The following TBPL2 variants were observed in gnomAD, a reference collection of about 807,000 sequenced individuals.
The protein encoded by TBPL2 is TATA-box binding protein like 2, also known as TATA box-binding protein-like 2.
Under a neutral mutation model 38.2 loss-of-function variants are expected in TBPL2, and 40 were observed. The ratio of observed to expected loss-of-function variants is 1.05; its 90% CI spans 0.81 to 1.36. The LOEUF (loss-of-function observed/expected upper bound fraction) is 1.36. Ranked by LOEUF, TBPL2 falls within the 40% of genes most tolerant of loss-of-function variation. The probability of loss-of-function intolerance (pLI) is 0.00; values close to 1 mark genes in which losing one functional copy is unlikely to be tolerated. For missense variants in TBPL2, 461 were observed against 456.7 expected (o/e 1.01, Z -0.09); for synonymous variants, 169 against 171.7 (o/e 0.98, Z 0.12).
At chr14:55,422,191 G>A (rs186794456) in intron 6 of TBPL2, among the ~76,000 whole-genome samples, 5 of 152,216 alleles carry the variant, frequency 3.3e-5, no homozygotes, top group Non-Finnish European at 7.3e-5. Flanking sequence ...GCGTTAAGTT[G>A]GTTGGCTAGC....
intron 6 of TBPL2, among the ~76,000 whole-genome samples, chr14:55,419,425 G>A (rs776911188): frequency 1.3e-5 from 2 of 152,210 alleles, no homozygotes; most frequent in Non-Finnish European, 2.9e-5. Context: ...TTTGCTGTTT[G>A]TTATACCCCA....
chr14:55,435,403 GT>G lies in TBPL2; in HGVS notation c.696+443del, dbSNP rs369745545. Among the ~76,000 whole-genome samples, 206 of 151,036 alleles carry G rather than the reference GT, an allele frequency of 1.4e-3. 3 individuals are homozygous for G. The East Asian group carries it at 0.034, about 25-fold the overall frequency. On this transcript the variant is annotated intron_variant, in intron 3 of 6. Transcript: ENST00000247219. ...TGATTCTCCTGCCTCAACCTCCTGA[GT>G]AGCTGGGATTACAGGCACCCGCCAC...
In TBPL2 at chr14:55,439,623, C is replaced by CG. The variant is rs940617750; in HGVS notation, c.150+772dup. 2.1e-3 allele frequency among the ~76,000 whole-genome samples: 282 copies of CG among 136,856 alleles called. 13 individuals carry two copies. Among genetic ancestry groups the CG allele is most frequent in the African/African-American group, 7.3e-3 (274 of 37,550 alleles). 89.8% of individuals were successfully genotyped at this position (136,856 alleles called of 152,430 possible). ...CTGGGGAGAAAAGCAAACCCCCCCC[C>CG]GTCTCTACTAAAAAATACAAAAATT... On this transcript the variant is annotated intron_variant, in intron 1 of 6. Coordinates refer to ENST00000247219, the Ensembl canonical transcript of TBPL2.
chr14:55,429,766 C>CAAAAAAAAAAAAAAAAAAAA (rs71131266), intron 4 of TBPL2, among the ~76,000 whole-genome samples: 16 of 52,370 alleles, frequency 3.1e-4, no homozygotes, highest in Non-Finnish European at 4.9e-4. Flanking sequence ...AACTCCGTCT[C>CAAAAAAAAAAAAAAAAAAAA]AAAAAAAAAA....
intron 2 of TBPL2, among the ~76,000 whole-genome samples, 186 bp downstream of exon 2, chr14:55,436,375 A>G (rs1419697808): frequency 3.9e-5 from 6 of 152,198 alleles, no homozygotes; most frequent in Non-Finnish European, 1.5e-5. Context: ...GAGGTCAAGA[A>G]TTAGTGCTTT....
intron 6 of TBPL2, among the ~76,000 whole-genome samples, chr14:55,421,306 A>G (rs74337289): frequency 0.019 from 2,922 of 152,206 alleles, 93 homozygotes; most frequent in African/African-American, 0.067. Context: ...TTTTATTGGC[A>G]GGCTTTTCTC....
At position 55,440,589 on chromosome 14, in the gene TBPL2, GT is replaced by G. The variant is rs1230867063; in HGVS notation, c.-45del. ...CGAGGCGGGGCGGCCCTCGGCCCAG[GT>G]TCCTGCAGAGGGCGCGAGAGAAGCG... On this transcript the variant is annotated 5_prime_UTR_variant, in exon 1 of 7. Transcript: ENST00000247219. 7 of 1,537,744 alleles carry G rather than the reference GT, an allele frequency of 4.6e-6. No individual in the cohort carries two copies. The African/African-American group carries it at 8.3e-5, about 18-fold the overall frequency.
intron 6 of TBPL2, among the ~76,000 whole-genome samples, chr14:55,415,175 CTTATAT>C (rs1038112045): frequency 2.1e-4 from 32 of 152,120 alleles, no homozygotes; most frequent in African/African-American, 6.3e-4. Flanking sequence ...ACTTGTACTA[CTTATAT>C]TTATATGGAG....
At chr14:55,428,382 G>A (rs1171914918) in intron 5 of TBPL2, among the ~76,000 whole-genome samples, 1 of 152,004 alleles carries the variant, frequency 6.6e-6, no homozygotes, top group African/African-American at 2.4e-5. Flanking sequence ...GCCTGCCTCG[G>A]CCTCCCAACA....
intron 5 of TBPL2, among the ~76,000 whole-genome samples, chr14:55,427,606 C>A (rs1885845808): frequency 6.6e-6 from 1 of 152,048 alleles, no homozygotes; most frequent in Admixed American, 6.6e-5. Context: ...AGGCCAAGTG[C>A]CCTAGCCCAG....
At chr14:55,425,177 A>G (rs143621548) in intron 5 of TBPL2, among the ~76,000 whole-genome samples, 3 of 152,294 alleles carry the variant, frequency 2.0e-5, no homozygotes, top group Non-Finnish European at 4.4e-5. Context: ...AGTCTTGCCC[A>G]TCTCAAGTAT....
chr14:55,416,261 TAAAC>T (rs980324832), intron 6 of TBPL2, among the ~76,000 whole-genome samples: 1 of 152,152 alleles, frequency 6.6e-6, no homozygotes, highest in African/African-American at 2.4e-5. Flanking sequence ...CCTTAAATAT[TAAAC>T]AATCAGGGAT....
At chr14:55,436,086 T>C (rs1358411692) in intron 2 of TBPL2, 152 bp from the exon 3 acceptor site, 3 of 501,976 alleles carry the variant, frequency 6.0e-6, no homozygotes, top group African/African-American at 4.0e-5. Flanking sequence ...TGATTCCTAG[T>C]TAAGTGTAAA....
chr14:55,427,832 T>TACACAC (rs35406194), intron 5 of TBPL2, among the ~76,000 whole-genome samples: 1 of 145,172 alleles, frequency 6.9e-6, no homozygotes, highest in Non-Finnish European at 1.5e-5. Flanking sequence ...TGCAGCTATA[T>TACACAC]ACACACACAC....
chr14:55,425,236 A>C (rs1457698797), intron 5 of TBPL2, among the ~76,000 whole-genome samples: 2 of 152,174 alleles, frequency 1.3e-5, no homozygotes, highest in Admixed American at 6.5e-5. Context: ...ACTCTGTCTT[A>C]CTGCAGGGAG....
chr14:55,429,011 C>T lies in TBPL2; in HGVS notation c.789-37G>A, dbSNP rs767577443. On this transcript the variant is annotated intron_variant, in intron 4 of 6. Transcript: ENST00000247219. ...CAAATATGTTTAAAGATGTCTTAATCGCTACATCCTCTCAACTACTGGTGT... is the reference window on the plus strand; with the variant it reads ...CAAATATGTTTAAAGATGTCTTAATTGCTACATCCTCTCAACTACTGGTGT... 61 of 1,608,104 alleles carry T rather than the reference C, an allele frequency of 3.8e-5. No homozygotes were observed. The East Asian group carries it at 5.1e-4, about 14-fold the overall frequency.
At chr14:55,438,612 TAC>T (rs746388065) in intron 1 of TBPL2, among the ~76,000 whole-genome samples, 8 of 152,168 alleles carry the variant, frequency 5.3e-5, no homozygotes, top group Non-Finnish European at 1.2e-4. Context: ...AAGCTACACG[TAC>T]ACAAGAATGT....
rs1461785122 is a variant in TBPL2, at chr14:55,436,542, A to T, written c.608+19T>A. 1.2e-6 allele frequency: 2 copies of T among 1,606,254 alleles called. No individual in the cohort carries two copies. The highest frequency in any genetic ancestry group is 2.2e-5 in the South Asian group (2 of 90,868). On this transcript the variant is annotated intron_variant, in intron 2 of 6. Coordinates refer to ENST00000247219, the Ensembl canonical transcript of TBPL2. ...ATGTGTACCCAATGTGCTCAATTAA[A>T]ACAAAAATAAAAACTTACTGTAGTT...
chr14:55,429,574 G>T (rs8007399), intron 4 of TBPL2, among the ~76,000 whole-genome samples: 1 of 152,056 alleles, frequency 6.6e-6, no homozygotes, highest in Non-Finnish European at 1.5e-5. Flanking sequence ...GACCGGCCTG[G>T]CCAACATGAT....
Sources: gnomAD v4.1 joint callset for allele counts (sites outside exome capture counted in the v4.1 genomes callset) on GRCh38, gnomAD v4.1.1 for gene constraint, MANE v1.5 for transcripts, NCBI Gene and HGNC (gene_info 2026-07-23, HGNC 2026-07-21) for gene names.